SUMF1: variants seen among roughly 807,000 people sequenced by gnomAD.
The protein encoded by SUMF1 is sulfatase modifying factor 1, also known as formylglycine-generating enzyme.
SUMF1 carries 48 observed loss-of-function variants against 47.6 expected under a neutral mutation model. The observed-to-expected ratio is 1.01, with a 90% CI of 0.80 to 1.28. The LOEUF is 1.28. Ranked by LOEUF, SUMF1 falls within the 50% of genes most tolerant of loss-of-function variation. The pLI, the probability that SUMF1 is intolerant of heterozygous loss-of-function variation, is 0.00. For missense variants in SUMF1, 571 were observed against 485.4 expected (o/e 1.18, Z -1.66); for synonymous variants, 230 against 192.1 (o/e 1.20, Z -1.63).
chr3:4,209,569 A>G (rs1017086730), intron 8 of SUMF1, among the ~76,000 whole-genome samples: 1 of 152,154 alleles, frequency 6.6e-6, no homozygotes, highest in Admixed American at 6.5e-5. Context: ...AAAAGCCCAG[A>G]CAAAATATTA....
chr3:4,455,491 G>A (rs971393685), intron 1 of SUMF1, among the ~76,000 whole-genome samples: 1 of 152,182 alleles, frequency 6.6e-6, no homozygotes, highest in Non-Finnish European at 1.5e-5. Flanking sequence ...CGAGGCAGGT[G>A]GATCACCTGA....
intron 7 of SUMF1, among the ~76,000 whole-genome samples, chr3:4,395,343 T>C (rs1701006928): frequency 1.3e-5 from 2 of 152,218 alleles, no homozygotes; most frequent in African/African-American, 4.8e-5. Context: ...TTTTACCTAA[T>C]GTCCAACGTG....
chr3:4,242,587 A>G (rs192984485), intron 8 of SUMF1, among the ~76,000 whole-genome samples: 1 of 152,290 alleles, frequency 6.6e-6, no homozygotes, highest in Admixed American at 6.5e-5. Context: ...ATTGATTTAT[A>G]TATGTTGAAC....
chr3:4,265,739 A>T (rs1004661473), intron 8 of SUMF1, among the ~76,000 whole-genome samples: 6 of 151,942 alleles, frequency 3.9e-5, no homozygotes, highest in Non-Finnish European at 8.8e-5. Context: ...TTTAATTAGA[A>T]CCCATTTGTC....
At chr3:4,083,407 G>C (rs542983805) in intron 8 of SUMF1, among the ~76,000 whole-genome samples, 115 of 152,188 alleles carry the variant, frequency 7.6e-4, no homozygotes, top group African/African-American at 2.6e-3. Context: ...TGCCCATTGT[G>C]AGGAGCTCTA....
chr3:4,178,616 T>G (rs987729195), intron 8 of SUMF1, among the ~76,000 whole-genome samples: 1 of 152,154 alleles, frequency 6.6e-6, no homozygotes, highest in African/African-American at 2.4e-5. Context: ...AAGCATTCCC[T>G]TTGAAAACTG....
chr3:4,168,270 C>G (rs1372101599), intron 8 of SUMF1, among the ~76,000 whole-genome samples: 3 of 152,158 alleles, frequency 2.0e-5, no homozygotes, highest in African/African-American at 4.8e-5. Flanking sequence ...CTGACTCAAC[C>G]TGCCCAAAAA....
intron 9 of SUMF1, among the ~76,000 whole-genome samples, chr3:4,051,129 G>GAA (rs61131769): frequency 7.1e-6 from 1 of 140,262 alleles, no homozygotes; most frequent in Non-Finnish European, 1.6e-5. Flanking sequence ...GCAAAAAAAA[G>GAA]AAAAAAAAAA....
At chr3:4,191,455 G>T (rs1296656778) in intron 8 of SUMF1, among the ~76,000 whole-genome samples, 2 of 152,132 alleles carry the variant, frequency 1.3e-5, no homozygotes, top group Admixed American at 1.3e-4. Context: ...AAAAAGTTAA[G>T]ATTTAATCTC....
intron 8 of SUMF1, among the ~76,000 whole-genome samples, chr3:4,273,786 CGGGAGGGGAGGGCAT>C (rs1258205598): frequency 3.5e-3 from 45 of 12,708 alleles, no homozygotes; most frequent in Admixed American, 7.0e-3. Context: ...GGGGAGGATA[CGGGAGGGGAGGGCAT>C]GGGAGGGGAG....
intron 8 of SUMF1, among the ~76,000 whole-genome samples, chr3:4,219,159 C>T (rs1001279825): frequency 2.0e-5 from 3 of 152,148 alleles, no homozygotes; most frequent in Non-Finnish European, 4.4e-5. Flanking sequence ...ATTCTTGTTG[C>T]CACTTGGCAA....
chr3:4,290,132 T>C (rs1280745091), intron 8 of SUMF1, among the ~76,000 whole-genome samples: 3 of 152,220 alleles, frequency 2.0e-5, no homozygotes, highest in African/African-American at 4.8e-5. Flanking sequence ...ACATACCCAA[T>C]TTTTAACTCT....
intron 1 of SUMF1, among the ~76,000 whole-genome samples, chr3:4,458,873 G>T (rs2079737194): frequency 6.6e-6 from 1 of 152,100 alleles, no homozygotes; most frequent in Admixed American, 6.5e-5. Flanking sequence ...AAAAAAAGAA[G>T]AAAACTCTGT....
At chr3:4,301,105 A>C (rs910121003) in intron 8 of SUMF1, among the ~76,000 whole-genome samples, 2 of 152,208 alleles carry the variant, frequency 1.3e-5, no homozygotes, top group African/African-American at 2.4e-5. Context: ...TGGCTTATAA[A>C]GTAGGAGAAC....
chr3:4,299,451 C>T (rs2125062572), intron 8 of SUMF1, among the ~76,000 whole-genome samples: 1 of 152,270 alleles, frequency 6.6e-6, no homozygotes, highest in South Asian at 2.1e-4. Context: ...CTGAAATGAC[C>T]CTGTGGTAGA....
At chr3:4,252,384 C>A (rs1340659972) in intron 8 of SUMF1, among the ~76,000 whole-genome samples, 1 of 151,502 alleles carries the variant, frequency 6.6e-6, no homozygotes, top group African/African-American at 2.4e-5. Context: ...ACACACCCCA[C>A]TGGCTGTTTA....
At chr3:4,155,450 G>A (rs1164937690) in intron 8 of SUMF1, among the ~76,000 whole-genome samples, 3 of 151,426 alleles carry the variant, frequency 2.0e-5, no homozygotes, top group East Asian at 1.9e-4. Flanking sequence ...TGTCAAACAC[G>A]GACGTAGGAG....
At chr3:4,343,820 T>A (rs181624166) in intron 8 of SUMF1, among the ~76,000 whole-genome samples, 1 of 152,290 alleles carries the variant, frequency 6.6e-6, no homozygotes, top group Non-Finnish European at 1.5e-5. Flanking sequence ...CTCACAGAAA[T>A]ATCTGCACAA....
chr3:4,036,644 C>T (rs1030977369), intron 9 of SUMF1, among the ~76,000 whole-genome samples: 1 of 148,912 alleles, frequency 6.7e-6, no homozygotes, highest in Non-Finnish European at 1.5e-5. Context: ...AGCTGGTCAA[C>T]CAAGACCTGC....
Sources: gnomAD v4.1 joint callset for allele counts (sites outside exome capture counted in the v4.1 genomes callset) on GRCh38, gnomAD v4.1.1 for gene constraint, MANE v1.5 for transcripts, NCBI Gene and HGNC (gene_info 2026-07-23, HGNC 2026-07-21) for gene names.